The following UIMC1 variants were observed in gnomAD, a reference collection of about 807,000 sequenced individuals.
UIMC1 encodes the protein ubiquitin interaction motif containing 1, also known as BRCA1-A complex subunit RAP80.
In UIMC1, 42 loss-of-function variants were observed where a neutral mutation model predicts 84.9. That is an observed-to-expected ratio of 0.49 (90% CI 0.39 to 0.64). The LOEUF (loss-of-function observed/expected upper bound fraction) is 0.64, where lower values mean the gene tolerates loss of function less well. UIMC1 is among the 30% of genes least tolerant of loss of function. The pLI, the probability that UIMC1 is intolerant of heterozygous loss-of-function variation, is 0.00. For missense variants in UIMC1, 825 were observed against 847.6 expected, an observed-to-expected ratio of 0.97 and a Z score of 0.33; for synonymous variants, 281 against 293.0, an observed-to-expected ratio of 0.96 and a Z score of 0.42.
At chr5:176,925,139 G>A in intron 10 of UIMC1, among the ~76,000 whole-genome samples, 1 of 150,912 alleles carries the variant, frequency 6.6e-6, no homozygotes, top group Non-Finnish European at 1.5e-5. Flanking sequence ...GACATACAAA[G>A]AACTCCTATC....
intron 9 of UIMC1, among the ~76,000 whole-genome samples, chr5:176,949,404 G>A (rs942647405): frequency 3.3e-5 from 5 of 152,176 alleles, no homozygotes; most frequent in African/African-American, 4.8e-5. Flanking sequence ...GAACAGTCTC[G>A]TCTGCAGTCA....
chr5:176,907,292 C>T, intron 12 of UIMC1, 115 bp from the exon 13 acceptor site: 2 of 968,776 alleles, frequency 2.1e-6, no homozygotes, highest in Non-Finnish European at 3.1e-6. Context: ...GGCCACAGCT[C>T]TAGGGAAGTC....
chr5:176,991,623 T>G (rs1251928694), intron 1 of UIMC1, among the ~76,000 whole-genome samples: 2 of 83,874 alleles, frequency 2.4e-5, no homozygotes, highest in African/African-American at 5.6e-5. Flanking sequence ...AGAGTGAAAC[T>G]CCGTCTCAAA....
chr5:176,905,722 A>T (rs1323787711), intron 14 of UIMC1: 1 of 634,162 alleles, frequency 1.6e-6, no homozygotes, highest in Non-Finnish European at 2.7e-6. Flanking sequence ...CCAAATTCCC[A>T]AGCTGCTTGA....
intron 11 of UIMC1, among the ~76,000 whole-genome samples, chr5:176,909,509 A>G (rs1222554005): frequency 6.6e-6 from 1 of 152,230 alleles, no homozygotes; most frequent in Non-Finnish European, 1.5e-5. Context: ...GTCAGAAACT[A>G]GATTTGCCTG....
intron 10 of UIMC1, among the ~76,000 whole-genome samples, chr5:176,913,044 T>G (rs980822986): frequency 6.6e-6 from 1 of 152,238 alleles, no homozygotes; most frequent in African/African-American, 2.4e-5. Context: ...TCTGCCTCAA[T>G]CTGCATTTAC....
At chr5:176,947,498 G>C (rs1043478212) in intron 9 of UIMC1, among the ~76,000 whole-genome samples, 248 of 152,030 alleles carry the variant, frequency 1.6e-3, no homozygotes, top group African/African-American at 5.7e-3. Context: ...CTCCCCGCTC[G>C]CCTTCTACTT....
chr5:176,960,302 A>G (rs1767185874), intron 6 of UIMC1, among the ~76,000 whole-genome samples: 1 of 152,200 alleles, frequency 6.6e-6, no homozygotes, highest in Non-Finnish European at 1.5e-5. Context: ...AATCATTTCA[A>G]TGTAGAATCC....
intron 6 of UIMC1, among the ~76,000 whole-genome samples, chr5:176,960,401 G>C (rs1334993801): frequency 6.6e-6 from 1 of 152,146 alleles, no homozygotes; most frequent in Non-Finnish European, 1.5e-5. Flanking sequence ...GGTTCTTCCA[G>C]AATATGAACA....
intron 1 of UIMC1, among the ~76,000 whole-genome samples, chr5:177,000,720 G>A (rs866291750): frequency 6.6e-6 from 1 of 151,832 alleles, no homozygotes; most frequent in East Asian, 1.9e-4. Context: ...GGCTGGTCTC[G>A]AACTCCCGAC....
At chr5:176,942,994 G>A (rs909990032) in intron 10 of UIMC1, among the ~76,000 whole-genome samples, 4 of 152,158 alleles carry the variant, frequency 2.6e-5, no homozygotes, top group South Asian at 4.1e-4. Flanking sequence ...CCTGGGAGGC[G>A]GAGGTTGCAG....
At chr5:176,947,347 C>T (rs1223200991) in intron 9 of UIMC1, among the ~76,000 whole-genome samples, 1 of 151,990 alleles carries the variant, frequency 6.6e-6, no homozygotes, top group Non-Finnish European at 1.5e-5. Context: ...GCTTCTACTT[C>T]TTTTATATAT....
intron 10 of UIMC1, among the ~76,000 whole-genome samples, chr5:176,927,026 G>C (rs1048360760): frequency 6.6e-6 from 1 of 152,056 alleles, no homozygotes; most frequent in African/African-American, 2.4e-5. Context: ...AGCGCATACT[G>C]ACTTGCAGAA....
In UIMC1 at chr5:176,975,433, C is replaced by T. The variant is rs772051729; in HGVS notation, c.195G>A (p.Ser65=). 27 of 1,613,882 alleles carry T rather than the reference C, an allele frequency of 1.7e-5. No homozygotes were observed. The highest frequency in any genetic ancestry group is 3.3e-5 in the South Asian group (3 of 91,062). ...NGLQKTKTKQ[S]NRAKCLAKRK... ...TTTTGGCCAAACACTTTGCTCTATT[C>T]GACTGTTTTGTCTTCGTTTTCTGCA... Residue 65 remains serine (S), a synonymous_variant, in exon 3 of 15, where the codon TCG becomes TCA. Coordinates refer to ENST00000511320, the MANE Select transcript of UIMC1 (RefSeq NM_001199298.2).
At position 176,968,616 on chromosome 5, in the gene UIMC1, G is replaced by A. The variant is rs758987274; in HGVS notation, c.1139C>T (p.Ser380Leu). 1.2e-6 allele frequency: 2 copies of A among 1,613,582 alleles called. No individual in the cohort carries two copies. The highest frequency in any genetic ancestry group is 2.2e-5 in the South Asian group (2 of 90,992). ...AAGTTTCTCTTTCAAGCTTTTAATT[G>A]AGCTTTCCTGGAAATCCTTGGTTTT... ...HSKTKDFQES[S>L]IKSLKEKLLL... The change falls in exon 6 of 15, where the codon TCA (serine) becomes TTA (leucine). Residue 380 changes from serine to leucine, a missense_variant. Coordinates refer to ENST00000511320, the MANE Select transcript of UIMC1 (RefSeq NM_001199298.2).
intron 8 of UIMC1, among the ~76,000 whole-genome samples, chr5:176,954,302 G>A (rs572253748): frequency 1.3e-5 from 2 of 152,336 alleles, no homozygotes; most frequent in African/African-American, 2.4e-5. Flanking sequence ...GAGGGGGAAA[G>A]CTTTCTTTTC....
intron 10 of UIMC1, among the ~76,000 whole-genome samples, chr5:176,925,682 T>C (rs1762308910): frequency 6.6e-6 from 1 of 152,210 alleles, no homozygotes; most frequent in South Asian, 2.1e-4. Context: ...AAAAGTATAC[T>C]GGTATGATTC....
chr5:176,914,907 T>A (rs576227127), intron 10 of UIMC1, among the ~76,000 whole-genome samples: 16 of 152,360 alleles, frequency 1.1e-4, no homozygotes, highest in Admixed American at 1.0e-3. Flanking sequence ...CTCTATCTTA[T>A]GTACGAGGAC....
chr5:176,912,469 TTTTTG>T (rs1398267561), intron 10 of UIMC1, among the ~76,000 whole-genome samples: 2 of 67,090 alleles, frequency 3.0e-5, no homozygotes, highest in African/African-American at 6.5e-5. Flanking sequence ...TCTTGACTGT[TTTTTG>T]TTTTTTTTTT....
Sources: allele counts gnomAD v4.1 joint callset (sites outside exome capture counted in the v4.1 genomes callset), GRCh38; gene constraint gnomAD v4.1.1; transcripts MANE v1.5; gene names NCBI Gene and HGNC (gene_info 2026-07-23, HGNC 2026-07-21).